The following PCDHGA1 variants were observed in gnomAD, a reference collection of about 807,000 sequenced individuals.
The protein encoded by PCDHGA1 is protocadherin gamma subfamily A, 1, also known as protocadherin gamma-A1.
In PCDHGA1, 32 loss-of-function variants were observed where a neutral mutation model predicts 58.0. That is an observed-to-expected ratio of 0.55 (90% confidence interval 0.42 to 0.74). PCDHGA1 has a LOEUF of 0.74. PCDHGA1 is among the 30% of genes least tolerant of loss of function. The pLI is 0.00. For synonymous variants in PCDHGA1, 498 were observed against 501.1 expected (o/e 0.99, Z 0.08); for missense variants, 1,205 against 1,182.3 (o/e 1.02, Z -0.28).
intron 1 of PCDHGA1, chr5:141,420,313 C>T (rs751944742): frequency 1.6e-5 from 23 of 1,434,756 alleles, no homozygotes; most frequent in Non-Finnish European, 2.2e-5. Flanking sequence ...TTTTATATTA[C>T]AATATGCCAA....
chr5:141,383,057 G>A (rs1778763110), intron 1 of PCDHGA1: 2 of 1,613,902 alleles, frequency 1.2e-6, no homozygotes, highest in Non-Finnish European at 1.7e-6. Context: ...AAGGACCTGG[G>A]GCTGGAGCCC....
At chr5:141,430,327 T>C (rs1250968800) in intron 1 of PCDHGA1, among the ~76,000 whole-genome samples, 7 of 152,042 alleles carry the variant, frequency 4.6e-5, no homozygotes, top group Non-Finnish European at 1.5e-5. Context: ...AAAATCATTG[T>C]TTATAGAAAC....
At position 141,491,765 on chromosome 5, in the gene PCDHGA1, A is replaced by C; in HGVS notation, c.2422-3042A>C. 1 of 1,569,230 alleles carries C rather than the reference A, an allele frequency of 6.4e-7. No homozygotes were observed. On this transcript the variant is annotated intron_variant, in intron 1 of 3. Coordinates refer to ENST00000517417, the MANE Select transcript of PCDHGA1 (RefSeq NM_018912.3). This position sits in a 1 kb window ranked among gnomAD's most constrained non-coding sequence, Gnocchi z 6.9. The stretch of plus-strand genomic sequence containing the variant: ...GGCACTGGAGAAGCCGCCCGTCCTC[A>C]TAAGGGATTGAACTTGCATCCACTC...
chr5:141,477,432 C>T lies in PCDHGA1; in HGVS notation c.2422-17375C>T, dbSNP rs1184041591. 6.2e-7 allele frequency: 1 copy of T among 1,614,186 alleles called. No individual in the cohort carries two copies. Among genetic ancestry groups the T allele is most frequent in the Admixed American group, 1.7e-5 (1 of 60,028 alleles). ...GACGCCGGAACCCCTTCCCTCTCAG[C>T]CCTTACAATAGTGCGTGTTCAAGTG... On this transcript the variant is annotated intron_variant, in intron 1 of 3. Transcript: ENST00000517417. This position sits in a 1 kb window ranked among gnomAD's most constrained non-coding sequence, Gnocchi z 4.9.
At chr5:141,395,102 G>A (rs766050798) in intron 1 of PCDHGA1, 2 of 1,614,172 alleles carry the variant, frequency 1.2e-6, no homozygotes, top group East Asian at 2.2e-5. Flanking sequence ...CCGCCGACTC[G>A]CGGAAGAGTC....
chr5:141,383,170 G>A (rs1453801684), intron 1 of PCDHGA1: 2 of 1,614,008 alleles, frequency 1.2e-6, no homozygotes, highest in African/African-American at 2.7e-5. Flanking sequence ...GGGCAGGATA[G>A]ACCGGGAAGA....
At chr5:141,395,498 C>T (rs1055094075) in intron 1 of PCDHGA1, 1 of 484,580 alleles carries the variant, frequency 2.1e-6, no homozygotes, top group Non-Finnish European at 3.6e-6. Context: ...CACTCATTCA[C>T]TTAAGAAGTA....
At chr5:141,465,141 A>AT (rs1341872532) in intron 1 of PCDHGA1, among the ~76,000 whole-genome samples, 2 of 151,678 alleles carry the variant, frequency 1.3e-5, no homozygotes, top group Non-Finnish European at 2.9e-5. Flanking sequence ...AGTTTAGGGG[A>AT]TATATGAAGG....
At chr5:141,509,845 C>G (rs1021433327) in intron 3 of PCDHGA1, among the ~76,000 whole-genome samples, 1 of 152,190 alleles carries the variant, frequency 6.6e-6, no homozygotes, top group African/African-American at 2.4e-5. Context: ...CCCATTCACT[C>G]AGAACAGGGA....
chr5:141,478,657 G>A, intron 1 of PCDHGA1: 2 of 1,551,912 alleles, frequency 1.3e-6, no homozygotes, highest in Non-Finnish European at 1.7e-6. Flanking sequence ...TCCTGGTGAT[G>A]CATTCACACT....
chr5:141,466,016 G>A (rs1592991828), intron 1 of PCDHGA1, among the ~76,000 whole-genome samples: 2 of 152,032 alleles, frequency 1.3e-5, no homozygotes, highest in East Asian at 3.9e-4. Flanking sequence ...CAGCTACTCG[G>A]GAGGGTGAGG....
intron 1 of PCDHGA1, chr5:141,421,919 TG>T: frequency 6.2e-7 from 1 of 1,613,642 alleles, no homozygotes; most frequent in Non-Finnish European, 8.5e-7. Flanking sequence ...CCCATTCGTG[TG>T]GTGGTCCTCG....
intron 1 of PCDHGA1, chr5:141,441,844 G>T: frequency 2.8e-6 from 1 of 355,710 alleles, no homozygotes. Context: ...CGCGCTCTTG[G>T]ATATGGTGCT....
At chr5:141,509,573 C>G (rs372901649) in intron 3 of PCDHGA1, among the ~76,000 whole-genome samples, 4 of 152,164 alleles carry the variant, frequency 2.6e-5, no homozygotes, top group Admixed American at 2.6e-4. Context: ...CTTCACAGTG[C>G]GTACAAATCA....
chr5:141,398,937 C>A, intron 1 of PCDHGA1: 1 of 1,613,902 alleles, frequency 6.2e-7, no homozygotes. Context: ...CTGACCAAGA[C>A]GAGGGCATCA....
intron 1 of PCDHGA1, chr5:141,440,369 G>A (rs2098171994): frequency 6.6e-6 from 1 of 152,156 alleles, no homozygotes; most frequent in African/African-American, 2.4e-5. Context: ...GGGGGGCCGA[G>A]GCAGGAGAAT....
At chr5:141,389,671 C>T in intron 1 of PCDHGA1, 1 of 1,612,458 alleles carries the variant, frequency 6.2e-7, no homozygotes, top group Non-Finnish European at 8.5e-7. Flanking sequence ...GACGCAGACT[C>T]AGGACACAAC....
At chr5:141,461,981 G>A (rs755173695) in intron 1 of PCDHGA1, among the ~76,000 whole-genome samples, 4 of 152,078 alleles carry the variant, frequency 2.6e-5, no homozygotes, top group Non-Finnish European at 5.9e-5. Context: ...ATGCCACCAC[G>A]CCAGGCTAAT....
At chr5:141,338,748 A>G in intron 1 of PCDHGA1, 2 of 1,183,394 alleles carry the variant, frequency 1.7e-6, no homozygotes, top group African/African-American at 1.6e-5. Flanking sequence ...AGTAAAAGGC[A>G]GCGAGACATC....
Sources: gnomAD v4.1 joint callset for allele counts (sites outside exome capture counted in the v4.1 genomes callset) on GRCh38, gnomAD v4.1.1 for gene constraint, Gnocchi (gnomAD v3.1) non-coding constraint, MANE v1.5 for transcripts, NCBI Gene and HGNC (gene_info 2026-07-23, HGNC 2026-07-21) for gene names.